Variants in PTK2 observed in about 807,000 individuals in gnomAD.
The protein encoded by PTK2 is focal adhesion kinase 1.
PTK2 carries 45 observed loss-of-function variants against 150.1 expected under a neutral mutation model. That is an observed-to-expected ratio of 0.30 (90% CI 0.24 to 0.38). PTK2 has a LOEUF of 0.38. PTK2 is among the 10% of genes least tolerant of loss of function. The probability of loss-of-function intolerance (pLI) is 1.00; values close to 1 mark genes in which losing one functional copy is unlikely to be tolerated. For missense variants in PTK2, 919 were observed against 1,307.3 expected (o/e 0.70, Z 4.58); for synonymous variants, 432 against 449.2 (o/e 0.96, Z 0.48).
chr8:140,694,023 T>TC (rs1405050482), intron 26 of PTK2, among the ~76,000 whole-genome samples: 1 of 151,484 alleles, frequency 6.6e-6, no homozygotes, highest in Non-Finnish European at 1.5e-5. Flanking sequence ...AAGCTAAGCA[T>TC]CTTTTTTTCT....
chr8:140,998,433 T>A (rs2100198609), intron 1 of PTK2, among the ~76,000 whole-genome samples: 1 of 152,256 alleles, frequency 6.6e-6, no homozygotes, highest in East Asian at 1.9e-4. Flanking sequence ...AGGACAGTTT[T>A]CAAAATTATT....
At chr8:140,863,632 C>A (rs965823732) in intron 5 of PTK2, among the ~76,000 whole-genome samples, 1 of 152,108 alleles carries the variant, frequency 6.6e-6, no homozygotes, top group Non-Finnish European at 1.5e-5. Flanking sequence ...ATCTCAATAC[C>A]AAATCTATAC....
chr8:140,934,434 A>T (rs902250696), intron 1 of PTK2: 2 of 142,402 alleles, frequency 1.4e-5, no homozygotes, highest in Non-Finnish European at 1.6e-5. Context: ...AAAAAATAAA[A>T]AAATAAATTT....
At chr8:140,810,309 G>A (rs1449965147) in intron 10 of PTK2, among the ~76,000 whole-genome samples, 1 of 152,216 alleles carries the variant, frequency 6.6e-6, no homozygotes, top group Non-Finnish European at 1.5e-5. Context: ...GCTCCCATAA[G>A]AGACTTTAGC....
intron 26 of PTK2, 83 bp downstream of exon 29, chr8:140,700,808 G>T (rs1486518825): frequency 2.8e-5 from 43 of 1,511,342 alleles, no homozygotes; most frequent in Non-Finnish European, 3.7e-5. Flanking sequence ...TGCTTTGAAA[G>T]ATAACATTTT....
At chr8:140,962,882 C>G (rs75184061) in intron 1 of PTK2, among the ~76,000 whole-genome samples, 87 of 151,946 alleles carry the variant, frequency 5.7e-4, no homozygotes, top group Admixed American at 9.2e-4. Context: ...GTCCCCCCCC[C>G]CAACCCAACC....
At chr8:140,660,146 T>C (rs951788138) in intron 31 of PTK2, among the ~76,000 whole-genome samples, 1 of 152,220 alleles carries the variant, frequency 6.6e-6, no homozygotes, top group African/African-American at 2.4e-5. Flanking sequence ...ACACCATGAC[T>C]AACTTCGTCT....
intron 5 of PTK2, among the ~76,000 whole-genome samples, chr8:140,854,296 C>G (rs1567600650): frequency 6.6e-6 from 1 of 152,212 alleles, no homozygotes; most frequent in Non-Finnish European, 1.5e-5. Context: ...AACATTTCAA[C>G]AGTGCTAAAA....
chr8:140,993,995 G>A (rs2100196689), intron 1 of PTK2, among the ~76,000 whole-genome samples: 2 of 152,042 alleles, frequency 1.3e-5, no homozygotes, highest in South Asian at 4.2e-4. Flanking sequence ...TTCCCAAAGT[G>A]GTGGAATTAC....
At chr8:140,953,503 A>G (rs2100180182) in intron 1 of PTK2, among the ~76,000 whole-genome samples, 1 of 152,184 alleles carries the variant, frequency 6.6e-6, no homozygotes, top group African/African-American at 2.4e-5. Flanking sequence ...TGTGGTGGAT[A>G]TGCTGGACAA....
At chr8:140,677,101 T>A (rs13268718) in intron 27 of PTK2, among the ~76,000 whole-genome samples, 1 of 151,864 alleles carries the variant, frequency 6.6e-6, no homozygotes, top group Admixed American at 6.6e-5. Context: ...AATTTGAAAT[T>A]TTCTTATATG....
chr8:140,692,115 A>G (rs2100023514), intron 26 of PTK2, among the ~76,000 whole-genome samples: 1 of 152,174 alleles, frequency 6.6e-6, no homozygotes, highest in Non-Finnish European at 1.5e-5. Flanking sequence ...TCTTTAATGC[A>G]TAATTCCCTA....
intron 23 of PTK2, among the ~76,000 whole-genome samples, chr8:140,708,628 T>G (rs1158541200): frequency 6.6e-6 from 1 of 152,062 alleles, no homozygotes; most frequent in Non-Finnish European, 1.5e-5. Flanking sequence ...CTTAACTAAA[T>G]AACAACATGA....
intron 22 of PTK2, chr8:140,734,721 C>A (rs771782345): frequency 5.8e-5 from 30 of 517,324 alleles, no homozygotes; most frequent in Non-Finnish European, 8.5e-5. Flanking sequence ...AGGAGTAATT[C>A]TCTCTTTCGG....
rs2100051814 is a variant in PTK2, at chr8:140,735,101, C to CA, written c.2030+149dup. On this transcript the variant is annotated intron_variant, in intron 22 of 31. Coordinates refer to ENST00000522684, the Ensembl canonical transcript of PTK2. ...GACTCTAGCAAGGTACAAAGAAATG[C>CA]AAATCAATTTTAAAAGTAATTGCAT... 2.0e-5 allele frequency: 14 copies of CA among 715,746 alleles called. No homozygotes were observed. In the South Asian group the frequency reaches 2.6e-4, roughly 13 times the overall value. The allele number at this position is 715,746 out of a possible 1,614,324, so 44.3% of individuals were successfully genotyped here.
chr8:140,901,859 C>T (rs1380778735), intron 2 of PTK2, among the ~76,000 whole-genome samples: 2 of 152,068 alleles, frequency 1.3e-5, no homozygotes, highest in South Asian at 2.1e-4. Context: ...TCCCTGTGTC[C>T]ATGTGTTGTC....
At chr8:140,705,086 G>A (rs938062288) in intron 24 of PTK2, among the ~76,000 whole-genome samples, 1 of 152,012 alleles carries the variant, frequency 6.6e-6, no homozygotes, top group South Asian at 2.1e-4. Flanking sequence ...GCTATTCTTG[G>A]GCTCCAGAAT....
rs148541142 is a variant in PTK2 at position 140,784,136 on chromosome 8, G to A, written c.1177+5338C>T. 5.1e-4 allele frequency among the ~76,000 whole-genome samples: 77 copies of A among 152,302 alleles called. 1 individual carries two copies. In the East Asian group the frequency reaches 0.013, roughly 27 times the overall value. On this transcript the variant is annotated intron_variant, in intron 14 of 31. Transcript: ENST00000522684. The stretch of plus-strand genomic sequence containing the variant: ...GCCAAGATCACACCACTGCATTCCA[G>A]CCTGGGTGACAAAGTGGGGGGAAAA...
At chr8:140,782,544 T>G (rs1002675440) in intron 14 of PTK2, among the ~76,000 whole-genome samples, 17 of 152,148 alleles carry the variant, frequency 1.1e-4, no homozygotes, top group Admixed American at 3.3e-4. Context: ...GGCCTAAATT[T>G]AGTTTTACTT....
Sources: allele counts gnomAD v4.1 joint callset (sites outside exome capture counted in the v4.1 genomes callset), GRCh38; gene constraint gnomAD v4.1.1; transcripts MANE v1.5; gene names NCBI Gene and HGNC (gene_info 2026-07-23, HGNC 2026-07-21).